SNX4: variants seen among roughly 807,000 people sequenced by gnomAD.
SNX4 encodes sorting nexin 4.
Under a neutral mutation model 70.8 loss-of-function variants are expected in SNX4, and 49 were observed. The ratio of observed to expected loss-of-function variants is 0.69; its 90% CI spans 0.55 to 0.88. The LOEUF (loss-of-function observed/expected upper bound fraction) is 0.88, where lower values mean the gene tolerates loss of function less well. Ranked by LOEUF, SNX4 falls within the 40% of genes least tolerant of loss-of-function variation. The pLI, the probability that SNX4 is intolerant of heterozygous loss-of-function variation, is 0.00. For missense variants in SNX4, 528 were observed against 544.8 expected, an observed-to-expected ratio of 0.97 and a Z score of 0.31; for synonymous variants, 206 against 183.8, an observed-to-expected ratio of 1.12 and a Z score of -0.98.
chr3:125,447,628 A>G lies in SNX4; in HGVS notation c.*151T>C, dbSNP rs990391825. ...CATTAAAATATATTTTTTGTGCTACATTAACACGACCACAATTAAGTTAAA... is the reference window on the plus strand; with the variant it reads ...CATTAAAATATATTTTTTGTGCTACGTTAACACGACCACAATTAAGTTAAA... On this transcript the variant is annotated 3_prime_UTR_variant, in exon 14 of 14. Coordinates refer to ENST00000251775, the MANE Select transcript of SNX4 (RefSeq NM_003794.4). The G allele has an allele frequency of 7.3e-6, 4 of 546,710 alleles. No homozygotes were observed. Among genetic ancestry groups the G allele is most frequent in the African/African-American group, 4.0e-5 (2 of 49,924 alleles). 33.9% of individuals were successfully genotyped at this position (546,710 alleles called of 1,614,324 possible).
chr3:125,460,890 T>C, intron 9 of SNX4, 30 bp from the exon 10 acceptor site: 2 of 1,110,188 alleles, frequency 1.8e-6, no homozygotes, highest in East Asian at 2.5e-5. Context: ...ACACATTGCA[T>C]AGAGTTACTT....
At chr3:125,483,136 A>ATTTATATATAAATATATATAAATATGTAT (rs1934452942) in intron 6 of SNX4, among the ~76,000 whole-genome samples, 1 of 149,468 alleles carries the variant, frequency 6.7e-6, no homozygotes, top group Non-Finnish European at 1.5e-5. Flanking sequence ...ATAAAATTAA[A>ATTTATATATAAATATATATAAATATGTAT]TTTATATATA....
intron 2 of SNX4, 25 bp downstream of exon 2, chr3:125,504,598 C>T: frequency 6.2e-7 from 1 of 1,602,904 alleles, no homozygotes; most frequent in Non-Finnish European, 8.5e-7. Context: ...TGTCTACCTG[C>T]CCAGGTGTAA....
At chr3:125,461,155 G>C (rs558721171) in intron 9 of SNX4, among the ~76,000 whole-genome samples, 4 of 152,192 alleles carry the variant, frequency 2.6e-5, no homozygotes, top group Non-Finnish European at 5.9e-5. Flanking sequence ...GAACCCGGGA[G>C]GAGGAGGTTG....
chr3:125,512,773 T>C (rs894084078), intron 1 of SNX4, among the ~76,000 whole-genome samples: 1 of 33,228 alleles, frequency 3.0e-5, no homozygotes, highest in Admixed American at 3.5e-4. Context: ...ATACAACAAC[T>C]TTTTTTTTTT....
chr3:125,455,618 C>T (rs936327925), intron 11 of SNX4, among the ~76,000 whole-genome samples: 1 of 152,160 alleles, frequency 6.6e-6, no homozygotes, highest in Non-Finnish European at 1.5e-5. Context: ...AACCAAGGGC[C>T]TAGTTTATAC....
chr3:125,476,494 C>A (rs1309886845), intron 8 of SNX4, among the ~76,000 whole-genome samples: 1 of 151,952 alleles, frequency 6.6e-6, no homozygotes, highest in Non-Finnish European at 1.5e-5. Context: ...TCACTTGAGC[C>A]CAGGAGGCGG....
chr3:125,458,736 T>C (rs1350654230), intron 10 of SNX4, among the ~76,000 whole-genome samples: 3 of 131,990 alleles, frequency 2.3e-5, no homozygotes, highest in Non-Finnish European at 4.6e-5. Context: ...ATGGCGTGAA[T>C]CCCGGGGGGC....
rs1933446149 is a variant in SNX4, at chr3:125,447,258, G to A, written c.*521C>T. ...TTCTAGTGTATGCAAACATTACAAGGGGCATCAATGAATGTAGAAGAAAAT... is the reference window on the plus strand; with the variant it reads ...TTCTAGTGTATGCAAACATTACAAGAGGCATCAATGAATGTAGAAGAAAAT... On this transcript the variant is annotated 3_prime_UTR_variant, in exon 14 of 14. Coordinates refer to ENST00000251775, the MANE Select transcript of SNX4 (RefSeq NM_003794.4). The A allele has an allele frequency of 6.6e-6, 1 of 152,494 alleles. No individual in the cohort carries two copies. The highest frequency in any genetic ancestry group is 2.1e-4 in the South Asian group (1 of 4,820). 9.4% of individuals were successfully genotyped at this position (152,494 alleles called of 1,614,324 possible). A position where few individuals can be genotyped will look rare whatever the true frequency, so the allele number is the denominator to read the frequency against.
At chr3:125,461,684 C>T (rs62270168) in intron 9 of SNX4, among the ~76,000 whole-genome samples, 36 of 147,422 alleles carry the variant, frequency 2.4e-4, no homozygotes, top group African/African-American at 7.3e-4. Context: ...TTTTTTGAGA[C>T]GGAGTCTCAC....
At position 125,462,862 on chromosome 3, in the gene SNX4, C is replaced by T. The variant is rs527453812; in HGVS notation, c.855-2002G>A. Among the ~76,000 whole-genome samples the T allele has an allele frequency of 1.1e-4, 16 of 152,190 alleles. No individual in the cohort carries two copies. In the East Asian group the frequency reaches 2.5e-3, roughly 24 times the overall value. On this transcript the variant is annotated intron_variant, in intron 9 of 13. Coordinates refer to ENST00000251775, the MANE Select transcript of SNX4 (RefSeq NM_003794.4). ...CCCAGGAAAGAATTCAAGGGTGAGC[C>T]GGTGGTGTCAGGTGGAAACCTTTTA...
rs62270164 is a variant in SNX4 at position 125,451,086 on chromosome 3, C to T, written c.1305+219G>A. 3.2e-3 allele frequency among the ~76,000 whole-genome samples: 491 copies of T among 151,574 alleles called. 4 individuals are homozygous for T. The highest frequency in any genetic ancestry group is 4.5e-3 in the Non-Finnish European group (309 of 67,914). ...TTCGAGACCAGCCTGGGCAACATAG[C>T]GAGACCCCCCCATATCTATTTTTTA... On this transcript the variant is annotated intron_variant, in intron 13 of 13. Transcript: ENST00000251775.
At chr3:125,471,326 A>G (rs1439013399) in intron 8 of SNX4, among the ~76,000 whole-genome samples, 1 of 140,654 alleles carries the variant, frequency 7.1e-6, no homozygotes, top group Non-Finnish European at 1.5e-5. Context: ...TGTGGGCAAC[A>G]AGAGCAAAGC....
chr3:125,454,031 A>G, intron 11 of SNX4, 76 bp from the exon 12 acceptor site: 1 of 1,236,750 alleles, frequency 8.1e-7, no homozygotes. Flanking sequence ...AACATTATTC[A>G]GCCTTTAAAA....
intron 9 of SNX4, 56 bp from the exon 10 acceptor site, chr3:125,460,916 G>GT (rs1933868610): frequency 1.1e-6 from 1 of 901,348 alleles, no homozygotes; most frequent in Admixed American, 2.6e-5. Context: ...GGAATACAAA[G>GT]TATTAGGGTT....
chr3:125,518,868 C>T (rs1935334428), intron 1 of SNX4, among the ~76,000 whole-genome samples: 1 of 151,604 alleles, frequency 6.6e-6, no homozygotes, highest in Non-Finnish European at 1.5e-5. Context: ...AAAAATTTAG[C>T]TGGGAGTGGT....
At chr3:125,475,964 G>C (rs1934280423) in intron 8 of SNX4, among the ~76,000 whole-genome samples, 1 of 151,420 alleles carries the variant, frequency 6.6e-6, no homozygotes, top group Non-Finnish European at 1.5e-5. Flanking sequence ...CGGTGACAAA[G>C]TGAGACCCTG....
At chr3:125,483,647 C>T (rs959096860) in intron 6 of SNX4, among the ~76,000 whole-genome samples, 5 of 152,086 alleles carry the variant, frequency 3.3e-5, no homozygotes, top group Admixed American at 6.6e-5. Context: ...AGAGGAGTGA[C>T]AACACAAATC....
chr3:125,504,620 C>T lies in SNX4; in HGVS notation c.263+3G>A, dbSNP rs1935007951. On this transcript the variant is annotated splice_donor_region_variant and intron_variant, in intron 2 of 13. Coordinates refer to ENST00000251775, the MANE Select transcript of SNX4 (RefSeq NM_003794.4). Reference sequence around the variant, plus strand: ...CTGCCCAGGTGTAATTTCTGTTACCCACCTTGTTTCAATGAGGTAAGCAGT... The same window carrying T: ...CTGCCCAGGTGTAATTTCTGTTACCTACCTTGTTTCAATGAGGTAAGCAGT... 1.2e-6 allele frequency: 2 copies of T among 1,607,266 alleles called. No individual in the cohort carries two copies. Among genetic ancestry groups the T allele is most frequent in the Non-Finnish European group, 1.7e-6 (2 of 1,177,318 alleles).
Sources: allele counts gnomAD v4.1 joint callset (sites outside exome capture counted in the v4.1 genomes callset), GRCh38; gene constraint gnomAD v4.1.1; transcripts MANE v1.5; gene names NCBI Gene and HGNC (gene_info 2026-07-23, HGNC 2026-07-21).